GRIP1: variants seen among roughly 807,000 people sequenced by gnomAD.
GRIP1 encodes glutamate receptor interacting protein 1, also known as glutamate receptor-interacting protein 1.
In GRIP1, 45 loss-of-function variants were observed where a neutral mutation model predicts 129.9. The observed-to-expected ratio is 0.35, with a 90% CI of 0.27 to 0.44. The LOEUF (loss-of-function observed/expected upper bound fraction) is 0.44, where lower values mean the gene tolerates loss of function less well. Ranked by LOEUF, GRIP1 falls within the 20% of genes least tolerant of loss-of-function variation. The probability of loss-of-function intolerance (pLI) is 1.00; values close to 1 mark genes in which losing one functional copy is unlikely to be tolerated. For synonymous variants in GRIP1, 530 were observed against 520.8 expected (o/e 1.02, Z -0.24); for missense variants, 1,196 against 1,396.8 (o/e 0.86, Z 2.29).
intron 1 of GRIP1, among the ~76,000 whole-genome samples, chr12:66,851,015 T>C (rs1297211040): frequency 1.3e-5 from 2 of 150,060 alleles, no homozygotes; most frequent in Admixed American, 6.8e-5. Context: ...TGATTTATAC[T>C]GACTTCATTC....
intron 19 of GRIP1, among the ~76,000 whole-genome samples, chr12:66,381,204 A>T (rs1250657159): frequency 6.6e-6 from 1 of 152,244 alleles, no homozygotes; most frequent in Non-Finnish European, 1.5e-5. Context: ...ACCAAGGATT[A>T]GAAGACCTTG....
chr12:66,734,017 G>C (rs990810516), intron 1 of GRIP1, among the ~76,000 whole-genome samples: 1 of 152,076 alleles, frequency 6.6e-6, no homozygotes, highest in South Asian at 2.1e-4. Context: ...CTGCAACTAG[G>C]AGAGGCAAAA....
intron 1 of GRIP1, among the ~76,000 whole-genome samples, chr12:66,788,326 G>T (rs964975333): frequency 2.6e-5 from 4 of 151,630 alleles, no homozygotes; most frequent in African/African-American, 9.7e-5. Context: ...AGGTCAGTCT[G>T]CTGGAATTTT....
intron 15 of GRIP1, 65 bp downstream of exon 15, chr12:66,420,654 GA>G: frequency 1.1e-6 from 1 of 870,882 alleles, no homozygotes; most frequent in Non-Finnish European, 2.0e-6. Context: ...TTTGGGTGTG[GA>G]AGGTGTCATG....
chr12:66,943,729 GGT>G (rs1374984125), intron 1 of GRIP1, among the ~76,000 whole-genome samples: 4 of 152,230 alleles, frequency 2.6e-5, no homozygotes, highest in Admixed American at 1.3e-4. Flanking sequence ...AAAGTTTTCA[GGT>G]GTGTTTGCTT....
chr12:66,849,888 T>G (rs1324296280), intron 1 of GRIP1, among the ~76,000 whole-genome samples: 1 of 152,154 alleles, frequency 6.6e-6, no homozygotes, highest in Admixed American at 6.6e-5. Flanking sequence ...AGAAAGCACA[T>G]GAATAGGAGC....
At chr12:66,656,899 T>C (rs1341593771) in intron 1 of GRIP1, among the ~76,000 whole-genome samples, 1 of 152,148 alleles carries the variant, frequency 6.6e-6, no homozygotes, top group Admixed American at 6.5e-5. Flanking sequence ...TTAGTCTCAC[T>C]TGGTTTTTAT....
chr12:66,741,831 A>C (rs2036797414), intron 1 of GRIP1, among the ~76,000 whole-genome samples: 1 of 152,122 alleles, frequency 6.6e-6, no homozygotes, highest in African/African-American at 2.4e-5. Flanking sequence ...ACCATCACTA[A>C]TCTGTGAATA....
chr12:66,685,550 A>G (rs946643589), intron 1 of GRIP1, among the ~76,000 whole-genome samples: 1 of 152,198 alleles, frequency 6.6e-6, no homozygotes, highest in East Asian at 1.9e-4. Flanking sequence ...TCTTAAAAGA[A>G]TGTTCATTTT....
At chr12:66,553,128 C>T (rs1247746855) in intron 2 of GRIP1, among the ~76,000 whole-genome samples, 1 of 152,198 alleles carries the variant, frequency 6.6e-6, no homozygotes, top group Non-Finnish European at 1.5e-5. Context: ...ATTTTCTTGT[C>T]ACAGAGAAAT....
At chr12:66,379,872 C>A (rs1435091016) in intron 19 of GRIP1, among the ~76,000 whole-genome samples, 1 of 152,082 alleles carries the variant, frequency 6.6e-6, no homozygotes, top group Non-Finnish European at 1.5e-5. Flanking sequence ...TGTACTCCTG[C>A]CACTTTACAA....
At chr12:66,994,461 A>G (rs1350057864) in intron 1 of GRIP1, among the ~76,000 whole-genome samples, 3 of 151,912 alleles carry the variant, frequency 2.0e-5, no homozygotes, top group Admixed American at 1.3e-4. Context: ...AAAACACTCA[A>G]TAAACCAGGA....
chr12:66,649,509 C>G (rs139505158), intron 1 of GRIP1, among the ~76,000 whole-genome samples: 1 of 152,122 alleles, frequency 6.6e-6, no homozygotes, highest in African/African-American at 2.4e-5. Context: ...TGCTGAGCAC[C>G]GTATAGGGAT....
chr12:66,565,441 T>C (rs1207331021), intron 2 of GRIP1, among the ~76,000 whole-genome samples: 1 of 152,138 alleles, frequency 6.6e-6, no homozygotes, highest in African/African-American at 2.4e-5. Context: ...TGTAGATGTG[T>C]GGTACTATTT....
At chr12:66,785,351 T>G (rs552047025) in intron 1 of GRIP1, among the ~76,000 whole-genome samples, 1 of 124,320 alleles carries the variant, frequency 8.0e-6, no homozygotes, top group Non-Finnish European at 1.7e-5. Flanking sequence ...TACATATATA[T>G]ATATATATAT....
intron 2 of GRIP1, among the ~76,000 whole-genome samples, chr12:66,569,952 C>T (rs1366285569): frequency 1.3e-5 from 2 of 152,020 alleles, no homozygotes; most frequent in African/African-American, 4.8e-5. Flanking sequence ...TACATTTATC[C>T]AATGATATCA....
At chr12:66,411,229 C>T (rs940975889) in intron 15 of GRIP1, among the ~76,000 whole-genome samples, 8 of 152,128 alleles carry the variant, frequency 5.3e-5, no homozygotes, top group Admixed American at 5.2e-4. Flanking sequence ...TCCAGGTCTC[C>T]AGATCGGCAT....
intron 1 of GRIP1, among the ~76,000 whole-genome samples, chr12:66,673,023 G>A (rs1398736293): frequency 2.6e-5 from 4 of 152,126 alleles, no homozygotes; most frequent in African/African-American, 9.7e-5. Flanking sequence ...AAGGAATGCT[G>A]AGAGATTAGT....
intron 1 of GRIP1, among the ~76,000 whole-genome samples, chr12:66,622,408 A>T (rs1565917885): frequency 6.6e-6 from 1 of 152,096 alleles, no homozygotes; most frequent in East Asian, 1.9e-4. Context: ...TTGTGCATTT[A>T]AAAATAAGGA....
Sources: allele counts gnomAD v4.1 joint callset (sites outside exome capture counted in the v4.1 genomes callset), GRCh38; gene constraint gnomAD v4.1.1; transcripts MANE v1.5; gene names NCBI Gene and HGNC (gene_info 2026-07-23, HGNC 2026-07-21).